Variants in HDAC2 observed in about 807,000 individuals in gnomAD.
HDAC2 encodes the protein histone deacetylase 2, also known as YY1-associated factor 1.
A neutral mutation model predicts 68.5 loss-of-function variants in HDAC2; 5 were observed. The ratio of observed to expected loss-of-function variants is 0.07; its 90% confidence interval spans 0.04 to 0.15. The LOEUF is 0.15. HDAC2 is among the 10% of genes least tolerant of loss of function. HDAC2 has a pLI of 1.00. For synonymous variants in HDAC2, 182 were observed against 191.3 expected (o/e 0.95, Z 0.40); for missense variants, 291 against 600.8 (o/e 0.48, Z 5.39).
intron 11 of HDAC2, among the ~76,000 whole-genome samples, chr6:113,943,843 T>C (rs1248624064): frequency 6.6e-6 from 1 of 152,028 alleles, no homozygotes; most frequent in Non-Finnish European, 1.5e-5. Flanking sequence ...ATTTCAGAGC[T>C]GAGAGGTGAA....
At chr6:113,952,866 C>G (rs1425732895) in intron 6 of HDAC2, among the ~76,000 whole-genome samples, 2 of 152,046 alleles carry the variant, frequency 1.3e-5, no homozygotes, top group Non-Finnish European at 2.9e-5. Flanking sequence ...AAAATTAGAT[C>G]TACTAAAAAT....
intron 1 of HDAC2, among the ~76,000 whole-genome samples, chr6:113,966,412 G>A (rs1270497214): frequency 6.6e-6 from 1 of 151,790 alleles, no homozygotes; most frequent in Admixed American, 6.6e-5. Context: ...ATTAGCCAGG[G>A]GTGGTGGCAC....
At chr6:113,942,442 A>AC (rs1776158339) in intron 12 of HDAC2, among the ~76,000 whole-genome samples, 1 of 151,682 alleles carries the variant, frequency 6.6e-6, no homozygotes, top group African/African-American at 2.4e-5. Flanking sequence ...TAAAAAAAAA[A>AC]AAAAAAGCTG....
In HDAC2 at chr6:113,956,168, A is replaced by G. The variant is rs763340770; in HGVS notation, c.359-17T>C. 1.9e-6 allele frequency: 3 copies of G among 1,581,678 alleles called. No homozygotes were observed. The highest frequency in any genetic ancestry group is 2.6e-6 in the Non-Finnish European group (3 of 1,167,950). On this transcript the variant is annotated splice_polypyrimidine_tract_variant and intron_variant, in intron 4 of 13. Coordinates refer to ENST00000519065, the MANE Select transcript of HDAC2 (RefSeq NM_001527.4). ...CAGCTCCAGCTAAGAAGTAGAAACA[A>G]GATAGACCTTTTAAACATTTATCAT...
At chr6:113,943,755 G>C (rs1776200747) in intron 11 of HDAC2, among the ~76,000 whole-genome samples, 1 of 152,206 alleles carries the variant, frequency 6.6e-6, no homozygotes, top group South Asian at 2.1e-4. Context: ...CTTTAAAAAT[G>C]CTGAAACTCT....
chr6:113,943,237 G>T, intron 12 of HDAC2, 114 bp downstream of exon 12: 1 of 720,412 alleles, frequency 1.4e-6, no homozygotes, highest in Non-Finnish European at 2.3e-6. Flanking sequence ...CACCTACCTA[G>T]CATACTTCCT....
chr6:113,944,128 A>T (rs1776212974), intron 11 of HDAC2, 152 bp downstream of exon 11: 1 of 669,154 alleles, frequency 1.5e-6, no homozygotes, highest in Non-Finnish European at 2.6e-6. Flanking sequence ...AGGTTCTGAG[A>T]CATCAGGAAG....
chr6:113,939,871 T>C lies in HDAC2; in HGVS notation c.*1187A>G, dbSNP rs1776091805. 6.6e-6 allele frequency: 1 copy of C among 152,242 alleles called. No individual in the cohort carries two copies. Among genetic ancestry groups the C allele is most frequent in the Non-Finnish European group, 1.5e-5 (1 of 68,042 alleles). The allele number at this position is 152,242 out of a possible 1,614,324, so 9.4% of individuals were successfully genotyped here. On this transcript the variant is annotated 3_prime_UTR_variant, in exon 14 of 14. Transcript: ENST00000519065. Reference sequence around the variant, plus strand: ...ATGTCTGAAACATTTAAGAGGCTTGTAGAGAAATATTTTTTCTTTTAATAT... The same window carrying C: ...ATGTCTGAAACATTTAAGAGGCTTGCAGAGAAATATTTTTTCTTTTAATAT...
In HDAC2 at chr6:113,937,058, C is replaced by T. The variant is rs1318224346; in HGVS notation, c.*4000G>A. On this transcript the variant is annotated 3_prime_UTR_variant, in exon 14 of 14. Coordinates refer to ENST00000519065, the MANE Select transcript of HDAC2 (RefSeq NM_001527.4). ...TTAACTATGTTATTAACTCAATCCT[C>T]ACAACAAACCTATTAAGTAGGGACT... 2.0e-5 allele frequency: 3 copies of T among 152,066 alleles called. No homozygotes were observed. Among genetic ancestry groups the T allele is most frequent in the African/African-American group, 7.2e-5 (3 of 41,404 alleles). The allele number at this position is 152,066 out of a possible 1,614,324, so 9.4% of individuals were successfully genotyped here.
In HDAC2 at chr6:113,971,000, C is replaced by T; in HGVS notation, c.-92G>A. The T allele has an allele frequency of 1.3e-6, 2 of 1,576,456 alleles. No individual in the cohort carries two copies. The highest frequency in any genetic ancestry group is 8.6e-7 in the Non-Finnish European group (1 of 1,160,930). ...GCGGCTCGGCCGGGAGAGAAAAGGG[C>T]TGAGGGAAACGTGGGGGCGATAGTC... On this transcript the variant is annotated 5_prime_UTR_variant, in exon 1 of 14. Coordinates refer to ENST00000519065, the MANE Select transcript of HDAC2 (RefSeq NM_001527.4).
chr6:113,942,085 C>A (rs764744314), intron 12 of HDAC2, among the ~76,000 whole-genome samples: 13 of 151,760 alleles, frequency 8.6e-5, no homozygotes, highest in Non-Finnish European at 1.6e-4. Context: ...AAGGCCCTAT[C>A]GAAAGAGCCT....
At position 113,939,827 on chromosome 6, in the gene HDAC2, A is replaced by T. The variant is rs1365342633; in HGVS notation, c.*1231T>A. 1.3e-5 allele frequency: 2 copies of T among 152,248 alleles called. No individual in the cohort carries two copies. Among genetic ancestry groups the T allele is most frequent in the Non-Finnish European group, 2.9e-5 (2 of 68,040 alleles). 9.4% of individuals were successfully genotyped at this position (152,248 alleles called of 1,614,324 possible). ...TGGGTGCACAGCTGTTCATTACAAAAGTCTAGGTGCTATTGTGAATGTCTG... is the reference window on the plus strand; with the variant it reads ...TGGGTGCACAGCTGTTCATTACAAATGTCTAGGTGCTATTGTGAATGTCTG... On this transcript the variant is annotated 3_prime_UTR_variant, in exon 14 of 14. Coordinates refer to ENST00000519065, the MANE Select transcript of HDAC2 (RefSeq NM_001527.4).
chr6:113,970,950 T>C lies in HDAC2; in HGVS notation c.-42A>G. ...GCCGCCACCGGGCTCCTCCTCCTGC[T>C]GCTGCTGCTGCTGCTGCTGCCGCCG... On this transcript the variant is annotated 5_prime_UTR_variant, in exon 1 of 14. Coordinates refer to ENST00000519065, the MANE Select transcript of HDAC2 (RefSeq NM_001527.4). 1 of 1,532,358 alleles carries C rather than the reference T, an allele frequency of 6.5e-7. No homozygotes were observed. The highest frequency in any genetic ancestry group is 1.2e-5 in the South Asian group (1 of 84,686). 94.9% of individuals were successfully genotyped at this position (1,532,358 alleles called of 1,614,324 possible).
Position 113,933,762 on chromosome 6 carries a change from TG to T in HDAC2, c.*7295del, listed in dbSNP as rs1444239522. ...GTCTGACATTCTTTGTGTGTGTGTA[TG>T]TATATTATATAATATACATACACAC... On this transcript the variant is annotated 3_prime_UTR_variant, in exon 14 of 14. Transcript: ENST00000519065. 1.3e-5 allele frequency: 2 copies of T among 151,842 alleles called. No individual in the cohort carries two copies. The highest frequency in any genetic ancestry group is 1.3e-4 in the Admixed American group (2 of 15,210). The allele number at this position is 151,842 out of a possible 1,614,324, so 9.4% of individuals were successfully genotyped here. A position where few individuals can be genotyped will look rare whatever the true frequency, so the allele number is the denominator to read the frequency against.
chr6:113,948,163 G>GT (rs1163222423), intron 8 of HDAC2: 5 of 152,118 alleles, frequency 3.3e-5, no homozygotes, highest in African/African-American at 1.2e-4. Flanking sequence ...TCAAAATTTA[G>GT]TATGTACTGC....
intron 11 of HDAC2, among the ~76,000 whole-genome samples, chr6:113,943,739 C>CTT (rs1002966514): frequency 2.6e-5 from 4 of 152,032 alleles, no homozygotes; most frequent in African/African-American, 9.7e-5. Flanking sequence ...GGGGGAATCT[C>CTT]TTTTTCTTTA....
rs1052973467 is a variant in HDAC2 at position 113,938,427 on chromosome 6, T to G, written c.*2631A>C. 2.2e-4 allele frequency: 34 copies of G among 152,310 alleles called. No homozygotes were observed. The highest frequency in any genetic ancestry group is 5.9e-4 in the Admixed American group (9 of 15,300). The allele number at this position is 152,310 out of a possible 1,614,324, so 9.4% of individuals were successfully genotyped here. A position where few individuals can be genotyped will look rare whatever the true frequency, so the allele number is the denominator to read the frequency against. On this transcript the variant is annotated 3_prime_UTR_variant, in exon 14 of 14. Transcript: ENST00000519065. ...TTTGTTGGTCCACTGAACTAATTTT[T>G]TTTTTGTTATCAAATATATCTTTTA...
chr6:113,949,641 T>C (rs760773878), intron 6 of HDAC2, among the ~76,000 whole-genome samples: 1 of 152,176 alleles, frequency 6.6e-6, no homozygotes, highest in African/African-American at 2.4e-5. Flanking sequence ...GGAAAATAAA[T>C]TAAGCCAAAA....
At chr6:113,960,357 T>C (rs1023365376) in intron 1 of HDAC2, among the ~76,000 whole-genome samples, 1 of 152,082 alleles carries the variant, frequency 6.6e-6, no homozygotes, top group African/African-American at 2.4e-5. Context: ...CACATGCTTT[T>C]AAGTTCTCTG....
Sources: allele counts gnomAD v4.1 joint callset (sites outside exome capture counted in the v4.1 genomes callset), GRCh38; gene constraint gnomAD v4.1.1; transcripts MANE v1.5; gene names NCBI Gene and HGNC (gene_info 2026-07-23, HGNC 2026-07-21).